KCTD8: variants seen among roughly 807,000 people sequenced by gnomAD.
KCTD8 encodes BTB/POZ domain-containing protein KCTD8.
KCTD8 carries 27 observed loss-of-function variants against 31.5 expected under a neutral mutation model. That is an observed-to-expected ratio of 0.86 (90% CI 0.63 to 1.18). KCTD8 has a LOEUF of 1.18. KCTD8 is among the 50% of genes most tolerant of loss of function. The pLI is 0.00. For synonymous variants in KCTD8, 290 were observed against 280.0 expected, an observed-to-expected ratio of 1.04 and a Z score of -0.36; for missense variants, 658 against 647.7, an observed-to-expected ratio of 1.02 and a Z score of -0.17.
intron 1 of KCTD8, among the ~76,000 whole-genome samples, chr4:44,186,441 G>A (rs2109332763): frequency 6.6e-6 from 1 of 152,298 alleles, no homozygotes; most frequent in East Asian, 1.9e-4. Context: ...GTACACCAAG[G>A]CAAGAACACT....
chr4:44,355,071 T>C (rs1205965831), intron 1 of KCTD8, among the ~76,000 whole-genome samples: 1 of 152,156 alleles, frequency 6.6e-6, no homozygotes, highest in African/African-American at 2.4e-5. Flanking sequence ...AATATTCAAG[T>C]AGAAAACCTT....
At chr4:44,217,054 T>G (rs1560397346) in intron 1 of KCTD8, among the ~76,000 whole-genome samples, 1 of 152,168 alleles carries the variant, frequency 6.6e-6, no homozygotes, top group Non-Finnish European at 1.5e-5. Flanking sequence ...CCTTTAGAAC[T>G]CTATGAATGA....
chr4:44,369,679 C>T (rs1225420746), intron 1 of KCTD8, among the ~76,000 whole-genome samples: 1 of 152,094 alleles, frequency 6.6e-6, no homozygotes, highest in African/African-American at 2.4e-5. Flanking sequence ...TGCTTGCAGA[C>T]CCAGCTACCT....
At chr4:44,252,606 G>A (rs1033716476) in intron 1 of KCTD8, among the ~76,000 whole-genome samples, 2 of 151,390 alleles carry the variant, frequency 1.3e-5, no homozygotes, top group Admixed American at 1.3e-4. Context: ...TGTGTTGAGA[G>A]GTTATTTCCT....
chr4:44,325,282 A>T (rs915313891), intron 1 of KCTD8, among the ~76,000 whole-genome samples: 8 of 151,862 alleles, frequency 5.3e-5, no homozygotes, highest in African/African-American at 1.9e-4. Context: ...CGGAATAAAG[A>T]CTGAAAGTTG....
chr4:44,263,899 G>A (rs1252150074), intron 1 of KCTD8, among the ~76,000 whole-genome samples: 1 of 152,162 alleles, frequency 6.6e-6, no homozygotes, highest in Non-Finnish European at 1.5e-5. Flanking sequence ...CTGCAGGTAT[G>A]ACATAAATTA....
In KCTD8 at chr4:44,235,554, TATATATATATATATATATATA is replaced by T. The variant is rs1560402049; in HGVS notation, c.962-60325_962-60305del. On this transcript the variant is annotated intron_variant, in intron 1 of 1. Coordinates refer to ENST00000360029, the MANE Select transcript of KCTD8 (RefSeq NM_198353.3). ...ATATATATATATATATATATATATA[TATATATATATATATATATATA>T]TTTAGAGAGAGAGAGAGAGAGAGAG... is the stretch of plus-strand genomic sequence containing the variant. Among the ~76,000 whole-genome samples, 667 of 91,156 alleles carry T rather than the reference TATATATATATATATATATATA, an allele frequency of 7.3e-3. 3 individuals carry two copies. Among genetic ancestry groups the T allele is most frequent in the Non-Finnish European group, 8.9e-3 (418 of 46,928 alleles). The allele number at this position is 91,156 out of a possible 152,430, so 59.8% of individuals were successfully genotyped here.
intron 1 of KCTD8, among the ~76,000 whole-genome samples, chr4:44,388,903 T>C (rs1420057563): frequency 2.0e-5 from 3 of 149,044 alleles, no homozygotes; most frequent in African/African-American, 7.7e-5. Context: ...CAAAAAAAGA[T>C]AATGTGGTAC....
intron 1 of KCTD8, among the ~76,000 whole-genome samples, chr4:44,334,778 C>T (rs1477911208): frequency 6.6e-6 from 1 of 152,092 alleles, no homozygotes; most frequent in Non-Finnish European, 1.5e-5. Context: ...GGAATAGTAA[C>T]TGTCATGAAT....
intron 1 of KCTD8, among the ~76,000 whole-genome samples, chr4:44,334,319 A>G (rs1718662245): frequency 6.6e-6 from 1 of 152,136 alleles, no homozygotes; most frequent in Non-Finnish European, 1.5e-5. Context: ...AACCTTCTAT[A>G]AATTTCAAAG....
intron 1 of KCTD8, among the ~76,000 whole-genome samples, chr4:44,236,921 T>A (rs900356493): frequency 6.6e-6 from 1 of 152,198 alleles, no homozygotes; most frequent in African/African-American, 2.4e-5. Flanking sequence ...TTTCCCCTTT[T>A]GCTTGGCTTT....
intron 1 of KCTD8, among the ~76,000 whole-genome samples, chr4:44,283,025 T>TTTATTATTA (rs58754915): frequency 1.0e-3 from 141 of 136,314 alleles, no homozygotes; most frequent in African/African-American, 2.3e-3. Flanking sequence ...AACAACACAT[T>TTTATTATTA]TTATTATTAT....
intron 1 of KCTD8, among the ~76,000 whole-genome samples, chr4:44,289,865 G>T (rs115713996): frequency 0.013 from 1,987 of 152,214 alleles, 48 homozygotes; most frequent in African/African-American, 0.045. Context: ...TGACTGTAGG[G>T]TCAAGAGACT....
intron 1 of KCTD8, among the ~76,000 whole-genome samples, chr4:44,396,454 GT>G (rs112458092): frequency 4.3e-4 from 64 of 149,420 alleles, no homozygotes; most frequent in African/African-American, 8.6e-4. Flanking sequence ...AAGGAAAGTT[GT>G]TTTTTTTTTT....
chr4:44,419,167 A>G (rs1291432630), intron 1 of KCTD8, among the ~76,000 whole-genome samples: 1 of 152,214 alleles, frequency 6.6e-6, no homozygotes, highest in Non-Finnish European at 1.5e-5. Flanking sequence ...AAAATTTACT[A>G]AAATTGGGTG....
intron 1 of KCTD8, among the ~76,000 whole-genome samples, chr4:44,447,043 G>A (rs1383443164): frequency 1.3e-5 from 2 of 152,204 alleles, no homozygotes; most frequent in Non-Finnish European, 2.9e-5. Context: ...AAAACCACCC[G>A]TAACTGGAGG....
intron 1 of KCTD8, among the ~76,000 whole-genome samples, chr4:44,416,712 T>C (rs1012986515): frequency 1.3e-5 from 2 of 152,182 alleles, no homozygotes; most frequent in Non-Finnish European, 2.9e-5. Context: ...GATTGGAAGC[T>C]TTCTGAGGCC....
At chr4:44,226,444 A>T (rs115022206) in intron 1 of KCTD8, among the ~76,000 whole-genome samples, 2,054 of 152,216 alleles carry the variant, frequency 0.013, 37 homozygotes, top group Non-Finnish European at 0.021. Context: ...TCTATCATTG[A>T]TGGTCATTTG....
At chr4:44,251,619 C>T (rs1456938474) in intron 1 of KCTD8, among the ~76,000 whole-genome samples, 2 of 150,770 alleles carry the variant, frequency 1.3e-5, no homozygotes, top group Non-Finnish European at 3.0e-5. Context: ...TTATGTATTG[C>T]TGGCATTTGT....
Sources: gnomAD v4.1 joint callset for allele counts (sites outside exome capture counted in the v4.1 genomes callset) on GRCh38, gnomAD v4.1.1 for gene constraint, MANE v1.5 for transcripts, NCBI Gene and HGNC (gene_info 2026-07-23, HGNC 2026-07-21) for gene names.